MDGA2: variants seen among roughly 807,000 people sequenced by gnomAD.
MDGA2 encodes MAM domain-containing glycosylphosphatidylinositol anchor protein 2.
Under a neutral mutation model 117.8 loss-of-function variants are expected in MDGA2, and 40 were observed. The ratio of observed to expected loss-of-function variants is 0.34; its 90% CI spans 0.26 to 0.44. MDGA2 has a LOEUF of 0.44. MDGA2 is among the 20% of genes least tolerant of loss of function. The probability of loss-of-function intolerance (pLI) is 1.00; values close to 1 mark genes in which losing one functional copy is unlikely to be tolerated. For synonymous variants in MDGA2, 452 were observed against 439.0 expected (o/e 1.03, Z -0.37); for missense variants, 1,123 against 1,250.6 (o/e 0.90, Z 1.54).
chr14:47,266,848 C>G (rs975557261), intron 2 of MDGA2, among the ~76,000 whole-genome samples: 1 of 152,136 alleles, frequency 6.6e-6, no homozygotes, highest in Non-Finnish European at 1.5e-5. Flanking sequence ...TTATGCATAG[C>G]CTTTTTGGGC....
At chr14:47,185,098 A>G (rs1884858380) in intron 3 of MDGA2, among the ~76,000 whole-genome samples, 1 of 151,120 alleles carries the variant, frequency 6.6e-6, no homozygotes, top group South Asian at 2.1e-4. Flanking sequence ...TATCTTTTAC[A>G]AGAGACATAC....
chr14:47,161,584 A>G lies in MDGA2; in HGVS notation c.596-17310T>C, dbSNP rs191687126. ...ATTTAGTCAAATACAAAAATTTTTG[A>G]GAGAATACCCAAGAAGAGGTAATTT... On this transcript the variant is annotated intron_variant, in intron 3 of 16. Transcript: ENST00000399232. Among the ~76,000 whole-genome samples, 596 of 151,804 alleles carry G rather than the reference A, an allele frequency of 3.9e-3. 2 individuals are homozygous for G. Among genetic ancestry groups the G allele is most frequent in the Non-Finnish European group, 6.0e-3 (407 of 67,942 alleles).
chr14:47,409,863 C>CTTGTGGGTTGG (rs1892335215), intron 1 of MDGA2, among the ~76,000 whole-genome samples: 1 of 152,040 alleles, frequency 6.6e-6, no homozygotes, highest in Non-Finnish European at 1.5e-5. Flanking sequence ...TCTAAAGAAA[C>CTTGTGGGTTGG]AGCGTGGACC....
At chr14:47,481,473 T>G (rs1300766830) in intron 1 of MDGA2, among the ~76,000 whole-genome samples, 3 of 152,000 alleles carry the variant, frequency 2.0e-5, no homozygotes, top group Non-Finnish European at 4.4e-5. Context: ...TAGACACTAA[T>G]ATCCTGAACT....
chr14:47,593,388 C>A lies in MDGA2; in HGVS notation c.280+81129G>T, dbSNP rs146559537. Among the ~76,000 whole-genome samples, 1,153 of 152,252 alleles carry A rather than the reference C, an allele frequency of 7.6e-3. 14 individuals are homozygous for A. The highest frequency in any genetic ancestry group is 0.026 in the African/African-American group (1,077 of 41,560). On this transcript the variant is annotated intron_variant, in intron 1 of 16. Transcript: ENST00000399232. The stretch of plus-strand genomic sequence containing the variant: ...CATCAATCCCATTACTGGGTGTATA[C>A]CCAAAGGAATGTATCATTCTATTAT...
At chr14:47,158,381 T>TGTGTGG in intron 3 of MDGA2, among the ~76,000 whole-genome samples, 1 of 151,748 alleles carries the variant, frequency 6.6e-6, no homozygotes. Flanking sequence ...TGTGTGTGTG[T>TGTGTGG]GTGTGTGTGT....
intron 8 of MDGA2, among the ~76,000 whole-genome samples, chr14:47,005,498 T>G (rs907382898): frequency 1.3e-5 from 2 of 151,680 alleles, no homozygotes; most frequent in African/African-American, 4.8e-5. Flanking sequence ...ATATATTGCT[T>G]GATTCAGTTA....
At chr14:46,900,055 G>A (rs746532796) in intron 10 of MDGA2, among the ~76,000 whole-genome samples, 1 of 151,962 alleles carries the variant, frequency 6.6e-6, no homozygotes, top group South Asian at 2.1e-4. Flanking sequence ...TTAAAAGTGG[G>A]CAAAAGACAT....
rs771914083 is a variant in MDGA2, at chr14:47,343,000, CT to C, written c.281-41451del. 54 of 1,154,702 alleles carry C rather than the reference CT, an allele frequency of 4.7e-5. No individual in the cohort carries two copies. In the South Asian group the frequency reaches 6.4e-4, roughly 14 times the overall value. The allele number at this position is 1,154,702 out of a possible 1,614,324, so 71.5% of individuals were successfully genotyped here. On this transcript the variant is annotated intron_variant, in intron 1 of 16. Coordinates refer to ENST00000399232, the MANE Select transcript of MDGA2 (RefSeq NM_001113498.3). ...GCAGCTTTGCCTGGCAGAATGCTAC[CT>C]CAGGGGAGTCAGCCACAGAGTGGGA... is the stretch of plus-strand genomic sequence containing the variant.
chr14:47,346,672 T>C (rs1890769638), intron 1 of MDGA2, among the ~76,000 whole-genome samples: 1 of 152,210 alleles, frequency 6.6e-6, no homozygotes, highest in Admixed American at 6.5e-5. Context: ...ATATTCTTAA[T>C]TATAGTTTTC....
chr14:47,650,944 T>C (rs1897629150), intron 1 of MDGA2, among the ~76,000 whole-genome samples: 1 of 152,194 alleles, frequency 6.6e-6, no homozygotes, highest in South Asian at 2.1e-4. Flanking sequence ...AAAAATTGGG[T>C]AAATAATTAT....
intron 1 of MDGA2, among the ~76,000 whole-genome samples, chr14:47,563,121 T>A (rs564181946): frequency 1.4e-4 from 22 of 151,836 alleles, no homozygotes; most frequent in South Asian, 2.1e-4. Flanking sequence ...TTCATTTTTT[T>A]AAAAAAAAAT....
intron 16 of MDGA2, among the ~76,000 whole-genome samples, chr14:46,844,656 G>A (rs1221634928): frequency 6.6e-6 from 1 of 152,094 alleles, no homozygotes; most frequent in Non-Finnish European, 1.5e-5. Context: ...CATCTATGCT[G>A]ACATGGTAAG....
intron 1 of MDGA2, among the ~76,000 whole-genome samples, chr14:47,619,116 T>TATACACACACACACAC (rs140667074): frequency 1.4e-3 from 127 of 90,796 alleles, no homozygotes; most frequent in African/African-American, 4.7e-3. Context: ...TCAGTTTAAT[T>TATACACACACACACAC]ACACACACAC....
At chr14:47,069,393 A>G (rs1890197673) in intron 6 of MDGA2, among the ~76,000 whole-genome samples, 2 of 152,192 alleles carry the variant, frequency 1.3e-5, no homozygotes, top group Admixed American at 1.3e-4. Flanking sequence ...AAATTCATGG[A>G]CTGTTCTCAT....
chr14:47,597,150 T>C (rs548933621), intron 1 of MDGA2, among the ~76,000 whole-genome samples: 3 of 152,284 alleles, frequency 2.0e-5, no homozygotes, highest in East Asian at 3.9e-4. Context: ...TAAACTCTGG[T>C]CATGAAAATT....
At chr14:47,191,375 C>T (rs1179157615) in intron 3 of MDGA2, among the ~76,000 whole-genome samples, 1 of 149,332 alleles carries the variant, frequency 6.7e-6, no homozygotes, top group Non-Finnish European at 1.5e-5. Context: ...AATACATTAG[C>T]TTCTGAATGT....
intron 10 of MDGA2, among the ~76,000 whole-genome samples, chr14:46,910,746 G>A (rs573740651): frequency 7.9e-5 from 12 of 152,300 alleles, no homozygotes; most frequent in African/African-American, 2.9e-4. Context: ...TCAGCCATCA[G>A]TGCTCACCAA....
At chr14:47,579,627 A>G (rs1555333606) in intron 1 of MDGA2, among the ~76,000 whole-genome samples, 1 of 152,100 alleles carries the variant, frequency 6.6e-6, no homozygotes. Flanking sequence ...ATGGACTGAT[A>G]TGATAATTTA....
Sources: gnomAD v4.1 joint callset for allele counts (sites outside exome capture counted in the v4.1 genomes callset) on GRCh38, gnomAD v4.1.1 for gene constraint, MANE v1.5 for transcripts, NCBI Gene and HGNC (gene_info 2026-07-23, HGNC 2026-07-21) for gene names.